The following CDH23 variants were observed in gnomAD, a reference collection of about 807,000 sequenced individuals.
The protein encoded by CDH23 is cadherin-23.
A neutral mutation model predicts 317.1 loss-of-function variants in CDH23; 189 were observed. That is an observed-to-expected ratio of 0.60 (90% CI 0.53 to 0.67). CDH23 has a LOEUF of 0.67. Among genes scored for constraint, CDH23 ranks in the 30% least tolerant of loss-of-function variants. The pLI is 0.00. For missense variants in CDH23, 4,401 were observed against 4,592.4 expected, an observed-to-expected ratio of 0.96 and a Z score of 1.20; for synonymous variants, 1,839 against 1,876.8, an observed-to-expected ratio of 0.98 and a Z score of 0.52.
At chr10:71,745,421 C>T (rs1839831116) in intron 38 of CDH23, among the ~76,000 whole-genome samples, 1 of 152,144 alleles carries the variant, frequency 6.6e-6, no homozygotes, top group African/African-American at 2.4e-5. Flanking sequence ...GCTTCCAAGG[C>T]CAAGGGCAGG....
chr10:71,648,024 A>G (rs1862977019), intron 14 of CDH23: 2 of 152,356 alleles, frequency 1.3e-5, no homozygotes, highest in South Asian at 4.1e-4. Flanking sequence ...TGTTTACTCT[A>G]CAGACAGATG....
intron 11 of CDH23, among the ~76,000 whole-genome samples, chr10:71,630,600 T>C (rs1861961305): frequency 6.6e-6 from 1 of 152,204 alleles, no homozygotes; most frequent in Admixed American, 6.5e-5. Context: ...AAGCAGTCGA[T>C]TCAGTGAGGG....
chr10:71,528,647 C>T (rs1037511282), intron 6 of CDH23, among the ~76,000 whole-genome samples: 2 of 152,222 alleles, frequency 1.3e-5, no homozygotes, highest in African/African-American at 2.4e-5. Flanking sequence ...CCCGGGCCTC[C>T]GCAGCAGCCT....
chr10:71,773,366 G>A, intron 38 of CDH23: 2 of 1,607,822 alleles, frequency 1.2e-6, no homozygotes, highest in African/African-American at 2.7e-5. Flanking sequence ...ACCTAGGGAC[G>A]CAGCCAGGAA....
At chr10:71,476,662 A>G (rs1851810528) in intron 3 of CDH23, among the ~76,000 whole-genome samples, 3 of 152,230 alleles carry the variant, frequency 2.0e-5, no homozygotes, top group Admixed American at 6.5e-5. Flanking sequence ...TCAAGTGTGC[A>G]ATATATCACA....
At chr10:71,769,462 A>C (rs1425593865) in intron 38 of CDH23, among the ~76,000 whole-genome samples, 1 of 152,232 alleles carries the variant, frequency 6.6e-6, no homozygotes, top group African/African-American at 2.4e-5. Flanking sequence ...CTACATACTC[A>C]AATAAAAGAA....
At chr10:71,761,535 G>C in intron 38 of CDH23, 1 of 1,472,214 alleles carries the variant, frequency 6.8e-7, no homozygotes. Context: ...GTCATGAATG[G>C]TCACACCATC....
At position 71,734,531 on chromosome 10, in the gene CDH23, G is replaced by A. The variant is rs55724553; in HGVS notation, c.4207-125G>A. 0.2 allele frequency: 315,499 copies of A among 1,601,336 alleles called. 32,817 individuals carry two copies. Among genetic ancestry groups the A allele is most frequent in the South Asian group, 0.34 (30,474 of 89,434 alleles). Reference sequence around the variant, plus strand: ...AGGTTGGGCTAGGATGAGACCTCAGGCAGGTGGAGGGTGGCACCTCCAGAG... The same window carrying A: ...AGGTTGGGCTAGGATGAGACCTCAGACAGGTGGAGGGTGGCACCTCCAGAG... On this transcript the variant is annotated intron_variant, in intron 33 of 69. Coordinates refer to ENST00000224721, the MANE Select transcript of CDH23 (RefSeq NM_022124.6).
chr10:71,438,347 C>CAAAAAAAAAAAAAAAAGAAAAAAAAA (rs1849713778), intron 1 of CDH23, among the ~76,000 whole-genome samples: 3 of 98,360 alleles, frequency 3.1e-5, no homozygotes, highest in Admixed American at 1.1e-4. Context: ...CTGTCTCAAA[C>CAAAAAAAAAAAAAAAAGAAAAAAAAA]AAAAAAAAAA....
intron 6 of CDH23, among the ~76,000 whole-genome samples, chr10:71,520,222 G>A (rs1044162956): frequency 6.6e-6 from 1 of 152,216 alleles, no homozygotes; most frequent in Non-Finnish European, 1.5e-5. Flanking sequence ...TGAAGTCAGG[G>A]CATTGGTGGT....
At chr10:71,729,260 G>A (rs1866953723) in intron 30 of CDH23, among the ~76,000 whole-genome samples, 1 of 152,182 alleles carries the variant, frequency 6.6e-6, no homozygotes, top group Non-Finnish European at 1.5e-5. Flanking sequence ...AACAGCCACT[G>A]CCTTGGATGG....
At position 71,645,947 on chromosome 10, in the gene CDH23, G is replaced by C. The variant is rs892398847; in HGVS notation, c.1257G>C (p.Leu419=). Residue 419 remains leucine, a synonymous_variant, in exon 13 of 70, where the codon CTG becomes CTC. Coordinates refer to ENST00000224721, the MANE Select transcript of CDH23 (RefSeq NM_022124.6). ...ADIRIRVAIP[L]DYETVDRYDF... is the part of the protein sequence containing the mutation. The stretch of plus-strand genomic sequence containing the variant: ...TTCGTATTCGGGTGGCCATCCCACT[G>C]GACTACGAGACCGTGGACCGCTACG... The C allele has an allele frequency of 2.5e-6, 4 of 1,613,414 alleles. No individual in the cohort carries two copies. The highest frequency in any genetic ancestry group is 3.4e-6 in the Non-Finnish European group (4 of 1,179,710).
chr10:71,799,046 A>G, intron 50 of CDH23, 65 bp from the exon 51 acceptor site: 2 of 1,502,644 alleles, frequency 1.3e-6, no homozygotes, highest in Non-Finnish European at 1.8e-6. Context: ...CTTTCTCCTC[A>G]TACTTTGGAG....
chr10:71,536,053 G>A lies in CDH23; in HGVS notation c.429+24841G>A, dbSNP rs201523980. 3.3e-5 allele frequency among the ~76,000 whole-genome samples: 5 copies of A among 152,386 alleles called. No homozygotes were observed. The East Asian group carries it at 9.6e-4, about 29-fold the overall frequency. ...TGGGCTGGGGGTCAGAAGGCAAGCAGAAGGTGCACGCGCCTTGCTGTGGCA... is the reference window on the plus strand; with the variant it reads ...TGGGCTGGGGGTCAGAAGGCAAGCAAAAGGTGCACGCGCCTTGCTGTGGCA... On this transcript the variant is annotated intron_variant, in intron 6 of 69. Coordinates refer to ENST00000224721, the MANE Select transcript of CDH23 (RefSeq NM_022124.6).
At chr10:71,398,709 G>A (rs1055191801) in intron 1 of CDH23, among the ~76,000 whole-genome samples, 1 of 152,112 alleles carries the variant, frequency 6.6e-6, no homozygotes, top group Admixed American at 6.5e-5. Context: ...AGCTGGGAAG[G>A]GGCCCCTTGC....
At chr10:71,518,450 C>G (rs1854466504) in intron 6 of CDH23, among the ~76,000 whole-genome samples, 1 of 152,216 alleles carries the variant, frequency 6.6e-6, no homozygotes. Context: ...GCCTCATGCA[C>G]AGGCTTAGGA....
chr10:71,637,644 C>T (rs1456471583), intron 11 of CDH23, among the ~76,000 whole-genome samples: 2 of 152,122 alleles, frequency 1.3e-5, no homozygotes, highest in African/African-American at 2.4e-5. Context: ...TCATGGGGCT[C>T]TTCCCTGGCA....
Position 71,615,556 on chromosome 10 carries a change from G to C in CDH23, c.885G>C (p.Leu295Phe). ...ALDYISGVLT[L>F]NGLLDRENPL... is the part of the protein sequence containing the mutation. ...ACTACATCAGCGGAGTGCTGACCTTGAATGGCCTGCTGGACCGGGAGAACC... is the reference window on the plus strand; with the variant it reads ...ACTACATCAGCGGAGTGCTGACCTTCAATGGCCTGCTGGACCGGGAGAACC... Residue 295 changes from leucine to phenylalanine, a missense_variant, in exon 10 of 70, where the codon TTG becomes TTC. Around this residue, in one of 3 missense-constraint regions of CDH23, gnomAD observed 3,068 missense variants for 3,203.3 expected, o/e 0.96. Transcript: ENST00000224721. The C allele has an allele frequency of 3.7e-6, 6 of 1,613,860 alleles. No homozygotes were observed. The Middle Eastern group carries it at 6.6e-4, about 177-fold the overall frequency.
chr10:71,814,963 T>G lies in CDH23; in HGVS notation c.9750T>G (p.Thr3250=), dbSNP rs373708815. ...CCGGCCTCTTGCAGCTGATACAGAC[T>G]GAGCTGGACGAGGAGCCAGGAGACC... ...CHSSISELIQ[T]ELDEEPGDHS... is the part of the protein sequence containing the mutation. Residue 3250 remains threonine, a synonymous_variant, in exon 70 of 70, where the codon ACT becomes ACG. Coordinates refer to ENST00000224721, the MANE Select transcript of CDH23 (RefSeq NM_022124.6). 1 of 1,611,142 alleles carries G rather than the reference T, an allele frequency of 6.2e-7. No individual in the cohort carries two copies. Among genetic ancestry groups the G allele is most frequent in the Admixed American group, 1.7e-5 (1 of 59,940 alleles).
Sources: allele counts gnomAD v4.1 joint callset (sites outside exome capture counted in the v4.1 genomes callset), GRCh38; gene constraint gnomAD v4.1.1; regional missense constraint gnomAD v4.1.1; transcripts MANE v1.5; gene names NCBI Gene and HGNC (gene_info 2026-07-23, HGNC 2026-07-21).